GALNT9: variants seen among roughly 807,000 people sequenced by gnomAD.
GALNT9 encodes GalNAc transferase 9.
A neutral mutation model predicts 63.1 loss-of-function variants in GALNT9; 47 were observed. The observed-to-expected ratio is 0.75, with a 90% CI of 0.59 to 0.95. The LOEUF is 0.95. GALNT9 is among the 40% of genes least tolerant of loss of function. The pLI is 0.00. For missense variants in GALNT9, 829 were observed against 874.8 expected, an observed-to-expected ratio of 0.95 and a Z score of 0.66; for synonymous variants, 396 against 365.7, an observed-to-expected ratio of 1.08 and a Z score of -0.94.
intron 6 of GALNT9, among the ~76,000 whole-genome samples, chr12:132,237,341 C>T (rs1207255957): frequency 6.6e-6 from 1 of 151,832 alleles, no homozygotes; most frequent in East Asian, 1.9e-4. Context: ...AACCTGCTCA[C>T]AGCTGCCTGC....
intron 9 of GALNT9, 92 bp downstream of exon 9, chr12:132,199,082 G>C (rs541458237): frequency 1.1e-5 from 9 of 812,702 alleles, no homozygotes; most frequent in Admixed American, 5.9e-5. Context: ...ACCCCAGCAG[G>C]CTGGACCCGT....
rs1877430049 is a variant in GALNT9, at chr12:132,221,183, T to C, written c.1078-17493A>G. Among the ~76,000 whole-genome samples, 2 of 138,386 alleles carry C rather than the reference T, an allele frequency of 1.4e-5. 1 individual carries two copies. The highest frequency in any genetic ancestry group is 5.5e-5 in the African/African-American group (2 of 36,472). The allele number at this position is 138,386 out of a possible 152,430, so 90.8% of individuals were successfully genotyped here. ...AGCCTGGCCAACATGGTGAAACCTG[T>C]CTCTACCAAAAATACAAAAATTAGC... On this transcript the variant is annotated intron_variant, in intron 6 of 10. Transcript: ENST00000328957.
chr12:132,292,172 C>T (rs1555242835), intron 1 of GALNT9, among the ~76,000 whole-genome samples: 1 of 152,214 alleles, frequency 6.6e-6, no homozygotes, highest in Admixed American at 6.5e-5. Context: ...GAACTCATCA[C>T]CATCTAAAAT....
Position 132,202,669 on chromosome 12 carries a change from A to C in GALNT9, c.1263+836T>G, listed in dbSNP as rs528613354. On this transcript the variant is annotated intron_variant, in intron 7 of 10. Coordinates refer to ENST00000328957, the MANE Select transcript of GALNT9 (RefSeq NM_001122636.2). Reference sequence around the variant, plus strand: ...AGATCTGGCTCATTAGGGTTGATGCAGACAAGCCCGTTTCTAAGATGAGCC... The same window carrying C: ...AGATCTGGCTCATTAGGGTTGATGCCGACAAGCCCGTTTCTAAGATGAGCC... Among the ~76,000 whole-genome samples the C allele has an allele frequency of 3.9e-5, 6 of 152,250 alleles. No individual in the cohort carries two copies. In the East Asian group the frequency reaches 1.2e-3, roughly 29 times the overall value.
At chr12:132,321,334 C>T (rs183900368) in intron 1 of GALNT9, among the ~76,000 whole-genome samples, 4 of 152,264 alleles carry the variant, frequency 2.6e-5, no homozygotes, top group East Asian at 1.9e-4. Flanking sequence ...GCTAATGAGT[C>T]GCCCGTCTCA....
intron 5 of GALNT9, among the ~76,000 whole-genome samples, chr12:132,253,447 C>T (rs1879000908): frequency 1.3e-5 from 2 of 151,524 alleles, no homozygotes. Context: ...TGACAGAGGG[C>T]TCACCTCTTG....
chr12:132,266,235 T>C (rs1013316203), intron 2 of GALNT9, among the ~76,000 whole-genome samples: 13 of 152,304 alleles, frequency 8.5e-5, no homozygotes, highest in African/African-American at 2.9e-4. Flanking sequence ...CTCACCATAT[T>C]TCATGAATGT....
intron 9 of GALNT9, among the ~76,000 whole-genome samples, chr12:132,198,373 G>T (rs1565979616): frequency 6.6e-6 from 1 of 152,060 alleles, no homozygotes; most frequent in African/African-American, 2.4e-5. Flanking sequence ...TGGGGGTCAT[G>T]GTCAGAATGG....
At chr12:132,318,353 G>A (rs1868616657) in intron 1 of GALNT9, among the ~76,000 whole-genome samples, 1 of 152,238 alleles carries the variant, frequency 6.6e-6, no homozygotes, top group Non-Finnish European at 1.5e-5. Flanking sequence ...CGAGAGACAA[G>A]GTGGGTGCTC....
intron 1 of GALNT9, among the ~76,000 whole-genome samples, chr12:132,287,588 G>T (rs545573699): frequency 2.6e-5 from 4 of 152,290 alleles, no homozygotes; most frequent in African/African-American, 9.6e-5. Flanking sequence ...GTGGCCGCCG[G>T]CGTGAGGTTC....
intron 3 of GALNT9, 124 bp from the exon 4 acceptor site, chr12:132,261,246 C>A: frequency 1.4e-6 from 2 of 1,414,108 alleles, no homozygotes; most frequent in Non-Finnish European, 1.9e-6. Flanking sequence ...TCTCTTAGGA[C>A]CCACTGAACC....
chr12:132,199,138 C>T, intron 9 of GALNT9, 36 bp downstream of exon 9: 2 of 1,422,016 alleles, frequency 1.4e-6, no homozygotes, highest in Non-Finnish European at 9.8e-7. Context: ...GGGTCGTCCC[C>T]TTGGGAGCTG....
At chr12:132,314,917 A>T (rs1488691601) in intron 1 of GALNT9, among the ~76,000 whole-genome samples, 1 of 152,218 alleles carries the variant, frequency 6.6e-6, no homozygotes. Flanking sequence ...GAGAAACCAC[A>T]GTAACATCTG....
At chr12:132,298,487 C>T (rs1249151414) in intron 1 of GALNT9, among the ~76,000 whole-genome samples, 1 of 151,884 alleles carries the variant, frequency 6.6e-6, no homozygotes, top group Non-Finnish European at 1.5e-5. Flanking sequence ...AACCAAACCA[C>T]TCCTGAGATA....
At chr12:132,295,415 C>T (rs1881019235) in intron 1 of GALNT9, among the ~76,000 whole-genome samples, 1 of 152,252 alleles carries the variant, frequency 6.6e-6, no homozygotes, top group East Asian at 1.9e-4. Flanking sequence ...GAGTCCCAGC[C>T]CTGGGGACCT....
At position 132,303,435 on chromosome 12, in the gene GALNT9, ACACCCTCGCCCGGGCACACCCTCGCCCG is replaced by A. The variant is rs1566019039; in HGVS notation, c.239-17033_239-17006del. On this transcript the variant is annotated intron_variant, in intron 1 of 10. Transcript: ENST00000328957. ...CACCCGGGCACAGCCTCGCCCGGGC[ACACCCTCGCCCGGGCACACCCTCGCCCG>A]GACACACCCTCACCCGGGCACAGAA... Among the ~76,000 whole-genome samples, 24 of 145,370 alleles carry A rather than the reference ACACCCTCGCCCGGGCACACCCTCGCCCG, an allele frequency of 1.7e-4. 2 individuals carry two copies. The highest frequency in any genetic ancestry group is 3.1e-4 in the African/African-American group (12 of 39,258).
intron 2 of GALNT9, among the ~76,000 whole-genome samples, chr12:132,270,380 T>C (rs1490616394): frequency 1.3e-5 from 2 of 152,220 alleles, no homozygotes; most frequent in South Asian, 2.1e-4. Flanking sequence ...CACAGAGCCC[T>C]GCCCAGGGGC....
At chr12:132,269,582 T>C (rs1879790681) in intron 2 of GALNT9, among the ~76,000 whole-genome samples, 1 of 152,114 alleles carries the variant, frequency 6.6e-6, no homozygotes, top group Non-Finnish European at 1.5e-5. Context: ...GGGTGGGGCA[T>C]AGGAAGCTGG....
intron 6 of GALNT9, among the ~76,000 whole-genome samples, chr12:132,213,579 C>T (rs1877060224): frequency 6.6e-6 from 1 of 151,966 alleles, no homozygotes; most frequent in South Asian, 2.1e-4. Flanking sequence ...GCACTCCCAC[C>T]TACACACAGT....
Sources: allele counts gnomAD v4.1 joint callset (sites outside exome capture counted in the v4.1 genomes callset), GRCh38; gene constraint gnomAD v4.1.1; transcripts MANE v1.5; gene names NCBI Gene and HGNC (gene_info 2026-07-23, HGNC 2026-07-21).